The following HOPX variants were observed in gnomAD, a reference collection of about 807,000 sequenced individuals.
HOPX encodes the protein homeodomain-only protein.
HOPX carries 5 observed loss-of-function variants against 11.8 expected under a neutral mutation model. The ratio of observed to expected loss-of-function variants is 0.43; its 90% CI spans 0.22 to 0.89. The LOEUF (loss-of-function observed/expected upper bound fraction) is 0.89. HOPX is among the 40% of genes least tolerant of loss of function. The pLI, the probability that HOPX is intolerant of heterozygous loss-of-function variation, is 0.28. For synonymous variants in HOPX, 49 were observed against 49.7 expected, an observed-to-expected ratio of 0.99 and a Z score of 0.06; for missense variants, 119 against 120.0, an observed-to-expected ratio of 0.99 and a Z score of 0.04.
intron 1 of HOPX, among the ~76,000 whole-genome samples, chr4:56,669,681 TAATAATAATAA>T (rs1718631180): frequency 1.3e-5 from 2 of 149,826 alleles, no homozygotes; most frequent in African/African-American, 4.9e-5. Context: ...ATAATAATAA[TAATAATAATAA>T]TAATAATAAT....
intron 2 of HOPX, chr4:56,656,268 C>G (rs1717721087): frequency 2.6e-6 from 3 of 1,168,852 alleles, no homozygotes; most frequent in Non-Finnish European, 1.1e-6. Flanking sequence ...TCCCGCGCCC[C>G]CCGGGACCCC....
Position 56,656,005 on chromosome 4 carries a change from C to G in HOPX, c.50G>C (p.Gly17Ala). 6.3e-7 allele frequency: 1 copy of G among 1,596,508 alleles called. No individual in the cohort carries two copies. Among genetic ancestry groups the G allele is most frequent in the Non-Finnish European group, 8.5e-7 (1 of 1,172,258 alleles). The change falls in exon 3 of 4, where the codon GGG (glycine) becomes GCG (alanine). Residue 17 changes from glycine to alanine, a missense_variant. Physicochemically the swap from Gly to Ala is moderately conservative, Grantham distance 60 (BLOSUM62 0). Transcript: ENST00000420433. ...CYRRRLEERAGTMSAETASGP... is the reference protein window; with the variant it reads ...CYRRRLEERAATMSAETASGP... ...GCTCGCGGTCTCCGCCGACATGGTCCCTGCGCGCTGCGGGGCAGGGAGAAG... is the reference window on the plus strand; with the variant it reads ...GCTCGCGGTCTCCGCCGACATGGTCGCTGCGCGCTGCGGGGCAGGGAGAAG...
At chr4:56,675,225 G>A (rs1243252258) in intron 1 of HOPX, among the ~76,000 whole-genome samples, 1 of 151,552 alleles carries the variant, frequency 6.6e-6, no homozygotes, top group East Asian at 1.9e-4. Flanking sequence ...GTCACGGGGA[G>A]AGTAAATGAC....
In HOPX at chr4:56,648,529, T is replaced by G; in HGVS notation, c.*191A>C. On this transcript the variant is annotated 3_prime_UTR_variant, in exon 4 of 4. Coordinates refer to ENST00000420433, the MANE Select transcript of HOPX (RefSeq NM_032495.6). ...CACTGCTTTACACAGAAGATACACA[T>G]AGCTTCCTATTGTTATTTTCTTTTC... 2.3e-6 allele frequency: 1 copy of G among 436,324 alleles called. No individual in the cohort carries two copies. Among genetic ancestry groups the G allele is most frequent in the Non-Finnish European group, 4.1e-6 (1 of 242,738 alleles). The allele number at this position is 436,324 out of a possible 1,614,324, so 27.0% of individuals were successfully genotyped here.
At chr4:56,667,667 C>A (rs1404808565) in intron 1 of HOPX, among the ~76,000 whole-genome samples, 2 of 152,164 alleles carry the variant, frequency 1.3e-5, no homozygotes, top group Non-Finnish European at 2.9e-5. Flanking sequence ...AACCACAGAG[C>A]TGCAACACTA....
chr4:56,655,079 T>C (rs952843425), intron 3 of HOPX, among the ~76,000 whole-genome samples: 1 of 152,118 alleles, frequency 6.6e-6, no homozygotes, highest in Admixed American at 6.5e-5. Flanking sequence ...TTCGGGATAA[T>C]ACAGGAGCAT....
At chr4:56,681,655 T>C (rs1719329288), upstream of HOPX, 2 of 1,000,244 alleles carry the variant, frequency 2.0e-6, no homozygotes, top group Non-Finnish European at 2.4e-6. Flanking sequence ...TTCCTTACTT[T>C]GAGCGAGTTT....
At chr4:56,659,453 G>A (rs1326441552) in intron 1 of HOPX, 1 of 152,150 alleles carries the variant, frequency 6.6e-6, no homozygotes, top group Admixed American at 6.5e-5. Context: ...GTGGTAGAAG[G>A]GGGCATCGCC....
intron 3 of HOPX, among the ~76,000 whole-genome samples, chr4:56,654,392 T>C (rs1717480954): frequency 6.6e-6 from 1 of 152,212 alleles, no homozygotes; most frequent in Non-Finnish European, 1.5e-5. Flanking sequence ...GTTGGTGCTG[T>C]GCCCACAATA....
chr4:56,651,634 AG>A (rs1256475824), intron 3 of HOPX, among the ~76,000 whole-genome samples: 1 of 152,182 alleles, frequency 6.6e-6, no homozygotes, highest in East Asian at 1.9e-4. Flanking sequence ...GCTGGGGCAA[AG>A]GAACATTGTT....
At chr4:56,680,292 T>G (rs1292518629) in intron 1 of HOPX, 1 of 152,170 alleles carries the variant, frequency 6.6e-6, no homozygotes, top group Admixed American at 6.5e-5. Context: ...AGATTCTTGA[T>G]ACAAAGGGAT....
intron 2 of HOPX, chr4:56,656,589 A>T (rs995745799): frequency 2.0e-6 from 1 of 497,682 alleles, no homozygotes. Context: ...CCTCCAAAAA[A>T]GTTCCCCGCA....
intron 2 of HOPX, among the ~76,000 whole-genome samples, chr4:56,657,558 TGA>T (rs1272908696): frequency 6.6e-6 from 1 of 152,186 alleles, no homozygotes; most frequent in East Asian, 1.9e-4. Context: ...CATTCTACTG[TGA>T]GAGTCTGGCT....
intron 3 of HOPX, chr4:56,650,908 G>C: frequency 2.4e-6 from 3 of 1,229,296 alleles, no homozygotes; most frequent in Non-Finnish European, 3.3e-6. Context: ...CTGTGTGCGT[G>C]TGTTTAGTTA....
At chr4:56,654,986 G>C (rs537822269) in intron 3 of HOPX, among the ~76,000 whole-genome samples, 1 of 152,214 alleles carries the variant, frequency 6.6e-6, no homozygotes, top group South Asian at 2.1e-4. Flanking sequence ...GTTTAGACAG[G>C]GTTTTAAAAG....
At chr4:56,651,869 AGAGAGTGT>A (rs1262011152) in intron 3 of HOPX, among the ~76,000 whole-genome samples, 419 of 121,674 alleles carry the variant, frequency 3.4e-3, no homozygotes, top group East Asian at 5.2e-3. Context: ...AGAGAGAGAG[AGAGAGTGT>A]GTGTGTGTGT....
intron 2 of HOPX, chr4:56,656,403 A>G (rs1016146368): frequency 4.0e-6 from 4 of 995,076 alleles, no homozygotes; most frequent in Non-Finnish European, 4.8e-6. Flanking sequence ...ATCCCCTTAA[A>G]AACTTCCTCC....
chr4:56,681,038 C>G (rs1229799088), intron 1 of HOPX: 4 of 985,148 alleles, frequency 4.1e-6, no homozygotes, highest in Non-Finnish European at 1.2e-6. Context: ...TCCAAATTCC[C>G]CTCGACCCCA....
At chr4:56,666,360 A>G (rs966257236) in intron 1 of HOPX, among the ~76,000 whole-genome samples, 2 of 152,242 alleles carry the variant, frequency 1.3e-5, no homozygotes, top group African/African-American at 2.4e-5. Flanking sequence ...AGAGTTTTGT[A>G]GAATTAAGGA....
Sources: allele counts gnomAD v4.1 joint callset (sites outside exome capture counted in the v4.1 genomes callset), GRCh38; gene constraint gnomAD v4.1.1; transcripts MANE v1.5; gene names NCBI Gene and HGNC (gene_info 2026-07-23, HGNC 2026-07-21).